MECOM: variants seen among roughly 807,000 people sequenced by gnomAD.
MECOM encodes histone-lysine N-methyltransferase MECOM.
A neutral mutation model predicts 116.3 loss-of-function variants in MECOM; 13 were observed. The ratio of observed to expected loss-of-function variants is 0.11; its 90% CI spans 0.07 to 0.18. The LOEUF (loss-of-function observed/expected upper bound fraction) is 0.18, where lower values mean the gene tolerates loss of function less well. MECOM is among the 10% of genes least tolerant of loss of function. The pLI is 1.00. For synonymous variants in MECOM, 528 were observed against 535.2 expected, an observed-to-expected ratio of 0.99 and a Z score of 0.19; for missense variants, 1,299 against 1,509.0, an observed-to-expected ratio of 0.86 and a Z score of 2.31.
At position 169,164,331 on chromosome 3, in the gene MECOM, C is replaced by T. The variant is rs747133246; in HGVS notation, c.376-20499G>A. The stretch of plus-strand genomic sequence containing the variant: ...TGCCATCCACATAAGATGTGACTTG[C>T]TCCTCCTTGCCTTCCACCCTGTTGT... On this transcript the variant is annotated intron_variant, in intron 2 of 16. Coordinates refer to ENST00000651503, the MANE Select transcript of MECOM (RefSeq NM_004991.4). Among the ~76,000 whole-genome samples the T allele has an allele frequency of 3.3e-4, 50 of 152,264 alleles. 1 individual carries two copies. The highest frequency in any genetic ancestry group is 5.1e-4 in the Non-Finnish European group (35 of 68,020).
At chr3:169,293,339 C>T (rs774390005) in intron 2 of MECOM, among the ~76,000 whole-genome samples, 18 of 152,324 alleles carry the variant, frequency 1.2e-4, no homozygotes, top group Non-Finnish European at 2.2e-4. Flanking sequence ...CTCACCATGG[C>T]CTTTGAGGCC....
At chr3:169,623,403 G>C (rs1046814456) in intron 1 of MECOM, among the ~76,000 whole-genome samples, 19 of 151,992 alleles carry the variant, frequency 1.3e-4, no homozygotes, top group Non-Finnish European at 7.4e-5. Context: ...AACTACAAAA[G>C]TTTCACTGAA....
At chr3:169,617,546 C>T (rs1770164779) in intron 1 of MECOM, among the ~76,000 whole-genome samples, 1 of 152,258 alleles carries the variant, frequency 6.6e-6, no homozygotes, top group East Asian at 1.9e-4. Context: ...TTCTTTCCTG[C>T]CAGTCCAAAT....
At chr3:169,605,737 C>T (rs2109781167) in intron 1 of MECOM, among the ~76,000 whole-genome samples, 1 of 152,308 alleles carries the variant, frequency 6.6e-6, no homozygotes, top group Non-Finnish European at 1.5e-5. Context: ...TTGATTGATG[C>T]TCTGGAACCC....
chr3:169,415,925 G>A (rs1738511323), intron 1 of MECOM, among the ~76,000 whole-genome samples: 1 of 151,982 alleles, frequency 6.6e-6, no homozygotes, highest in South Asian at 2.1e-4. Flanking sequence ...CAATAATAAT[G>A]GGAGAATTTA....
At chr3:169,347,414 T>C (rs1725550883) in intron 2 of MECOM, among the ~76,000 whole-genome samples, 1 of 152,046 alleles carries the variant, frequency 6.6e-6, no homozygotes, top group South Asian at 2.1e-4. Flanking sequence ...AATGTCTGTG[T>C]GTGTGCATGC....
chr3:169,526,039 A>C (rs1469032721), intron 1 of MECOM, among the ~76,000 whole-genome samples: 1 of 151,086 alleles, frequency 6.6e-6, no homozygotes, highest in Non-Finnish European at 1.5e-5. Flanking sequence ...GAAGGAAAAA[A>C]AAAAAGTAGC....
Position 169,177,753 on chromosome 3 carries a change from C to G in MECOM, c.376-33921G>C, listed in dbSNP as rs1052997581. On this transcript the variant is annotated intron_variant, in intron 2 of 16. Transcript: ENST00000651503. ...ACAACCTGGTGAAATACTGTCTCTA[C>G]TAAAAATACAAAAAAATAGCTGGGC... 2.0e-5 allele frequency among the ~76,000 whole-genome samples: 3 copies of G among 151,730 alleles called. No individual in the cohort carries two copies. In the South Asian group the frequency reaches 6.2e-4, roughly 32 times the overall value.
At position 169,188,100 on chromosome 3, in the gene MECOM, G is replaced by A. The variant is rs115277877; in HGVS notation, c.376-44268C>T. On this transcript the variant is annotated intron_variant, in intron 2 of 16. Transcript: ENST00000651503. ...ATTCCCGTAATAAAATGAGTGATCC[G>A]AATAAAAAAAATTGAAAATCACATA... is the stretch of plus-strand genomic sequence containing the variant. Among the ~76,000 whole-genome samples the A allele has an allele frequency of 3.2e-3, 479 of 151,800 alleles. 3 individuals are homozygous for A. The highest frequency in any genetic ancestry group is 0.011 in the African/African-American group (449 of 41,268).
rs1361391648 is a variant in MECOM at position 169,636,593 on chromosome 3, T to C, written c.37+26743A>G. On this transcript the variant is annotated intron_variant, in intron 1 of 16. Transcript: ENST00000651503. Reference sequence around the variant, plus strand: ...TCCTTAGCAGTTTATAACTGCCAAGTAGGAGCGTACACCTCCTGGAACCTT... The same window carrying C: ...TCCTTAGCAGTTTATAACTGCCAAGCAGGAGCGTACACCTCCTGGAACCTT... 3.3e-5 allele frequency among the ~76,000 whole-genome samples: 5 copies of C among 152,278 alleles called. No homozygotes were observed. In the South Asian group the frequency reaches 8.3e-4, roughly 25 times the overall value.
chr3:169,478,671 G>A (rs1001821221), intron 1 of MECOM, among the ~76,000 whole-genome samples: 1 of 152,146 alleles, frequency 6.6e-6, no homozygotes, highest in Non-Finnish European at 1.5e-5. Context: ...TGTGTATTGT[G>A]CTAGGATATT....
intron 12 of MECOM, among the ~76,000 whole-genome samples, chr3:169,099,196 TA>T (rs151283334): frequency 0.063 from 9,545 of 151,698 alleles, 444 homozygotes; most frequent in South Asian, 0.2. Context: ...GTTTGTGGTT[TA>T]AAAAAATATA....
chr3:169,303,651 G>A (rs1257659016), intron 2 of MECOM, among the ~76,000 whole-genome samples: 1 of 152,166 alleles, frequency 6.6e-6, no homozygotes, highest in Non-Finnish European at 1.5e-5. Context: ...AAAGTTGTGA[G>A]TATCCAATCC....
chr3:169,159,704 A>G (rs1010102068), intron 2 of MECOM, among the ~76,000 whole-genome samples: 1 of 152,206 alleles, frequency 6.6e-6, no homozygotes, highest in Non-Finnish European at 1.5e-5. Context: ...GAGATAGCAT[A>G]AATCCAAATA....
At chr3:169,314,268 A>C (rs888682862) in intron 2 of MECOM, among the ~76,000 whole-genome samples, 3 of 152,254 alleles carry the variant, frequency 2.0e-5, no homozygotes, top group Non-Finnish European at 4.4e-5. Context: ...GTCTTCCTCC[A>C]AAATTGCTGC....
chr3:169,182,563 A>T (rs1358933387), intron 2 of MECOM, among the ~76,000 whole-genome samples: 1 of 152,202 alleles, frequency 6.6e-6, no homozygotes, highest in Admixed American at 6.5e-5. Flanking sequence ...GTGTAGAGAA[A>T]TTCCCTTTAA....
chr3:169,472,894 C>A (rs1485059762), intron 1 of MECOM: 23 of 827,254 alleles, frequency 2.8e-5, no homozygotes, highest in Non-Finnish European at 3.4e-5. Context: ...TGTGGTAAGA[C>A]AAATATGTCA....
chr3:169,575,544 T>G (rs1473024985), intron 1 of MECOM, among the ~76,000 whole-genome samples: 1 of 152,292 alleles, frequency 6.6e-6, no homozygotes, highest in African/African-American at 2.4e-5. Flanking sequence ...AAATGACACA[T>G]GTAAACAGAT....
intron 2 of MECOM, among the ~76,000 whole-genome samples, chr3:169,176,323 A>T (rs1745163367): frequency 6.6e-6 from 1 of 152,152 alleles, no homozygotes; most frequent in South Asian, 2.1e-4. Context: ...TGCAACATGA[A>T]ATATAAGAAT....
Sources: allele counts gnomAD v4.1 joint callset (sites outside exome capture counted in the v4.1 genomes callset), GRCh38; gene constraint gnomAD v4.1.1; transcripts MANE v1.5; gene names NCBI Gene and HGNC (gene_info 2026-07-23, HGNC 2026-07-21).